CYP4F3: variants seen among roughly 807,000 people sequenced by gnomAD.
CYP4F3 encodes cytochrome P450 4F3.
CYP4F3 carries 50 observed loss-of-function variants against 54.8 expected under a neutral mutation model. That is an observed-to-expected ratio of 0.91 (90% CI 0.73 to 1.16). CYP4F3 has a LOEUF of 1.16. Ranked by LOEUF, CYP4F3 falls within the 50% of genes most tolerant of loss-of-function variation. CYP4F3 has a pLI of 0.00. For synonymous variants in CYP4F3, 244 were observed against 262.6 expected (o/e 0.93, Z 0.69); for missense variants, 715 against 676.2 (o/e 1.06, Z -0.64).
intron 7 of CYP4F3, 120 bp downstream of exon 7, chr19:15,650,303 G>A (rs569803818): frequency 6.3e-7 from 1 of 1,585,858 alleles, no homozygotes; most frequent in Non-Finnish European, 8.6e-7. Flanking sequence ...GATTGAGGAA[G>A]GGAGGGACAG....
Position 15,645,858 on chromosome 19 carries a change from C to T in CYP4F3, c.338C>T (p.Ala113Val), listed in dbSNP as rs749777680. Residue 113 changes from alanine to valine, a missense_variant, in exon 3 of 13, where the codon GCT becomes GTT. Ala to Val is a moderately conservative substitution (Grantham distance 64, BLOSUM62 0). Transcript: ENST00000221307. ...HPTYIKPVLF[A>V]PAAIVPKDKV... is the part of the protein sequence containing the mutation. ...ACCTACATCAAGCCTGTGCTCTTTG[C>T]TCCAGGTAGACACTGCACTGGCCAC... The T allele has an allele frequency of 6.2e-7, 1 of 1,606,312 alleles. No individual in the cohort carries two copies.
chr19:15,657,626 C>T (rs772290542), intron 9 of CYP4F3, among the ~76,000 whole-genome samples: 20 of 150,620 alleles, frequency 1.3e-4, no homozygotes, highest in Non-Finnish European at 2.8e-4. Context: ...TTTTATGGCA[C>T]AAACTTTCCC....
rs1036198777 is a variant in CYP4F3, at chr19:15,646,948, C to T, written c.344-104C>T. On this transcript the variant is annotated intron_variant, in intron 3 of 12. Coordinates refer to ENST00000221307, the MANE Select transcript of CYP4F3 (RefSeq NM_000896.3). ...TTGACCCTCTTCTTGCTATGTGGGG[C>T]TTGGAGGGAAGAAGTGCAAACCTCT... is the stretch of plus-strand genomic sequence containing the variant. 2.6e-6 allele frequency: 4 copies of T among 1,510,526 alleles called. No individual in the cohort carries two copies. In the African/African-American group the frequency reaches 5.5e-5, roughly 21 times the overall value. 93.6% of individuals were successfully genotyped at this position (1,510,526 alleles called of 1,614,324 possible).
rs770022939 is a variant in CYP4F3, at chr19:15,658,567, C to A, written c.1314+12C>A. The A allele has an allele frequency of 9.9e-6, 16 of 1,613,908 alleles. No homozygotes were observed. In the Admixed American group the frequency reaches 1.3e-4, roughly 13 times the overall value. On this transcript the variant is annotated intron_variant, in intron 11 of 12. Coordinates refer to ENST00000221307, the MANE Select transcript of CYP4F3 (RefSeq NM_000896.3). ...GGCCGGACCCTGAGGTGCGGGCCCC[C>A]CGTCTCTGTTTTTGTCCATTCCAAG...
chr19:15,656,469 TTATC>T (rs71176457), intron 9 of CYP4F3, among the ~76,000 whole-genome samples: 19,706 of 69,512 alleles, frequency 0.28, 1,552 homozygotes, highest in Non-Finnish European at 0.31. Flanking sequence ...ATAGATTTGT[TTATC>T]TATCTATCTA....
chr19:15,653,875 C>A (rs564017682), intron 9 of CYP4F3, among the ~76,000 whole-genome samples: 65 of 152,082 alleles, frequency 4.3e-4, no homozygotes, highest in African/African-American at 1.6e-3. Flanking sequence ...GTAGCAGGGG[C>A]TGGCTGTGGA....
At chr19:15,656,771 C>CTATCTAT (rs768701357) in intron 9 of CYP4F3, among the ~76,000 whole-genome samples, 18 of 100,842 alleles carry the variant, frequency 1.8e-4, no homozygotes, top group Non-Finnish European at 2.9e-4. Context: ...TATCTATCAT[C>CTATCTAT]CATCCATCCA....
intron 3 of CYP4F3, 138 bp downstream of exon 3, chr19:15,646,001 C>T: frequency 8.0e-7 from 1 of 1,250,298 alleles, no homozygotes; most frequent in Non-Finnish European, 1.1e-6. Flanking sequence ...GCCACTGCTT[C>T]CATCTCCCCT....
chr19:15,658,242 T>C lies in CYP4F3; in HGVS notation c.1116-22T>C, dbSNP rs370040329. On this transcript the variant is annotated intron_variant, in intron 9 of 12. Coordinates refer to ENST00000221307, the MANE Select transcript of CYP4F3 (RefSeq NM_000896.3). ...GTGTCTTTGCTCCCTTGATAAGGAT[T>C]GGGGCTGGGGTGTTTCCTTAGGGAC... 20 of 1,612,064 alleles carry C rather than the reference T, an allele frequency of 1.2e-5. No homozygotes were observed. In the African/African-American group the frequency reaches 2.4e-4, roughly 19 times the overall value.
intron 2 of CYP4F3, among the ~76,000 whole-genome samples, chr19:15,645,252 A>T (rs1972588688): frequency 6.6e-6 from 1 of 152,124 alleles, no homozygotes; most frequent in Admixed American, 6.6e-5. Context: ...CACCAGATCA[A>T]TTTTTCACCC....
intron 9 of CYP4F3, among the ~76,000 whole-genome samples, chr19:15,657,205 C>T (rs190535931): frequency 2.0e-4 from 30 of 152,318 alleles, no homozygotes; most frequent in Admixed American, 6.5e-4. Flanking sequence ...GCTGTCAGCA[C>T]GTGTGCACAG....
rs1212577435 is a variant in CYP4F3 at position 15,643,402 on chromosome 19, GTAAATAGATAGATAGATAGA to G, written c.198+1792_198+1811del. On this transcript the variant is annotated intron_variant, in intron 2 of 12. Coordinates refer to ENST00000221307, the MANE Select transcript of CYP4F3 (RefSeq NM_000896.3). Reference sequence around the variant, plus strand: ...GGTAGATATGTAGAGATATATATAGGTAAATAGATAGATAGATAGATAGATAGATAGATAGATAGATAGAT... The same window carrying G: ...GGTAGATATGTAGAGATATATATAGGTAGATAGATAGATAGATAGATAGAT... Among the ~76,000 whole-genome samples the G allele has an allele frequency of 5.7e-4, 82 of 143,420 alleles. 1 individual carries two copies. The highest frequency in any genetic ancestry group is 1.5e-3 in the African/African-American group (59 of 38,828). 94.1% of individuals were successfully genotyped at this position (143,420 alleles called of 152,430 possible). A position where few individuals can be genotyped will look rare whatever the true frequency, so the allele number is the denominator to read the frequency against.
chr19:15,645,768 C>T lies in CYP4F3; in HGVS notation c.248C>T (p.Thr83Ile), dbSNP rs1231391078. The T allele has an allele frequency of 3.7e-6, 6 of 1,614,032 alleles. No homozygotes were observed. The South Asian group carries it at 4.4e-5, about 12-fold the overall frequency. Residue 83 changes from threonine (T) to isoleucine (I), a missense_variant, in exon 3 of 13, where the codon ACC becomes ATC. Thr to Ile is a moderately conservative substitution (Grantham distance 89, BLOSUM62 -1). Coordinates refer to ENST00000221307, the MANE Select transcript of CYP4F3 (RefSeq NM_000896.3). ...CTATACACACAAAGCCTGGCATGCA[C>T]CTTCGGTGATATGTGCTGCTGGTGG... is the stretch of plus-strand genomic sequence containing the variant. Reference protein sequence around the residue: ...GLLYTQSLACTFGDMCCWWVG... With the variant: ...GLLYTQSLACIFGDMCCWWVG...
rs1255235590 is a variant in CYP4F3, at chr19:15,649,846, G to A, written c.648-67G>A. ...GATAGGAGGTAGCTCCTAGCTGCTG[G>A]TGGGAGGTGATCCTGGGGCTTCAGG... On this transcript the variant is annotated intron_variant, in intron 6 of 12. Coordinates refer to ENST00000221307, the MANE Select transcript of CYP4F3 (RefSeq NM_000896.3). 1.0e-5 allele frequency: 16 copies of A among 1,581,978 alleles called. No individual in the cohort carries two copies. The Admixed American group carries it at 2.1e-4, about 20-fold the overall frequency.
chr19:15,641,523 C>T lies in CYP4F3; in HGVS notation c.108C>T (p.Ala36=). ...GASWLLARIL[A]WTYTFYDNCC... ...CCTGGCTCCTGGCCCGCATCCTGGC[C>T]TGGACCTATACCTTCTATGACAACT... The change falls in exon 2 of 13, where the codon GCC becomes GCT. Residue 36 remains alanine (A), a synonymous_variant. Coordinates refer to ENST00000221307, the MANE Select transcript of CYP4F3 (RefSeq NM_000896.3). The T allele has an allele frequency of 6.2e-7, 1 of 1,614,190 alleles. No homozygotes were observed. Among genetic ancestry groups the T allele is most frequent in the African/African-American group, 1.3e-5 (1 of 75,046 alleles).
Position 15,659,276 on chromosome 19 carries a change from C to A in CYP4F3, c.1454C>A (p.Thr485Lys), listed in dbSNP as rs759340265. The A allele has an allele frequency of 4.3e-6, 7 of 1,613,360 alleles. No homozygotes were observed. The Admixed American group carries it at 5.0e-5, about 12-fold the overall frequency. ...GAGATGAAGGTGGTCCTGGGGCTCA[C>A]GCTGCTGCGCTTCCGCGTCCTGCCT... ...MAEMKVVLGL[T>K]LLRFRVLPDH... The change falls in exon 13 of 13, where the codon ACG becomes AAG. Residue 485 changes from threonine (T) to lysine (K), a missense_variant. By Grantham distance (78) the Thr-to-Lys change is moderately conservative. Transcript: ENST00000221307.
At position 15,643,327 on chromosome 19, in the gene CYP4F3, TAGATAGAC is replaced by T. The variant is rs1324210246; in HGVS notation, c.198+1722_198+1729del. ...TAGATAGATAGATTAGATAGATAGA[TAGATAGAC>T]AGATAGATACATACATACATACATA... On this transcript the variant is annotated intron_variant, in intron 2 of 12. Coordinates refer to ENST00000221307, the MANE Select transcript of CYP4F3 (RefSeq NM_000896.3). 7.7e-4 allele frequency among the ~76,000 whole-genome samples: 111 copies of T among 143,482 alleles called. No homozygotes were observed. In the Middle Eastern group the frequency reaches 0.011, roughly 14 times the overall value. 94.1% of individuals were successfully genotyped at this position (143,482 alleles called of 152,430 possible).
In CYP4F3 at chr19:15,649,276, C is replaced by G; in HGVS notation, c.642C>G (p.Cys214Trp). The G allele has an allele frequency of 6.2e-7, 1 of 1,612,878 alleles. No individual in the cohort carries two copies. Among genetic ancestry groups the G allele is most frequent in the Non-Finnish European group, 8.5e-7 (1 of 1,179,268 alleles). Residue 214 changes from cysteine to tryptophan, a missense_variant, in exon 6 of 13, where the codon TGC (cysteine) becomes TGG (tryptophan). By Grantham distance (215) the Cys-to-Trp change is radical. Transcript: ENST00000221307. ...GTGTCTTCAGCTTTGACAGCCATTGCCAGGAGTAAGTTCTTGCCCAGGGTC... is the reference window on the plus strand; with the variant it reads ...GTGTCTTCAGCTTTGACAGCCATTGGCAGGAGTAAGTTCTTGCCCAGGGTC... ...QKCVFSFDSH[C>W]QEKPSEYIAA...
chr19:15,658,454 G>T (rs1324868267), intron 10 of CYP4F3, 37 bp from the exon 11 acceptor site: 1 of 1,613,918 alleles, frequency 6.2e-7, no homozygotes, highest in Non-Finnish European at 8.5e-7. Context: ...CCCTCAGGCA[G>T]GGAGCATTGT....
Sources: gnomAD v4.1 joint callset for allele counts (sites outside exome capture counted in the v4.1 genomes callset) on GRCh38, gnomAD v4.1.1 for gene constraint, MANE v1.5 for transcripts, NCBI Gene and HGNC (gene_info 2026-07-23, HGNC 2026-07-21) for gene names.